CEMIP: variants seen among roughly 807,000 people sequenced by gnomAD.
CEMIP encodes the protein cell migration-inducing and hyaluronan-binding protein.
CEMIP carries 105 observed loss-of-function variants against 156.9 expected under a neutral mutation model. That is an observed-to-expected ratio of 0.67 (90% confidence interval 0.57 to 0.79). The LOEUF (loss-of-function observed/expected upper bound fraction) is 0.79, where lower values mean the gene tolerates loss of function less well. CEMIP is among the 30% of genes least tolerant of loss of function. The probability of loss-of-function intolerance (pLI) is 0.00; values close to 1 mark genes in which losing one functional copy is unlikely to be tolerated. For missense variants in CEMIP, 1,457 were observed against 1,769.4 expected, an observed-to-expected ratio of 0.82 and a Z score of 3.17; for synonymous variants, 676 against 668.4, an observed-to-expected ratio of 1.01 and a Z score of -0.17.
chr15:80,783,569 GTTCCT>G (rs2141557072), intron 1 of CEMIP, among the ~76,000 whole-genome samples: 1 of 152,272 alleles, frequency 6.6e-6, no homozygotes, highest in African/African-American at 2.4e-5. Flanking sequence ...TCAGTGCTGG[GTTCCT>G]TTCTACTGTT....
chr15:80,911,530 CA>C (rs1900052081), intron 14 of CEMIP, among the ~76,000 whole-genome samples: 1 of 268 alleles, frequency 3.7e-3, no homozygotes, highest in Non-Finnish European at 9.6e-3. Flanking sequence ...AAATACACCA[CA>C]CACACACACA....
chr15:80,814,293 C>G (rs1031705084), intron 1 of CEMIP, among the ~76,000 whole-genome samples: 6 of 152,028 alleles, frequency 3.9e-5, no homozygotes, highest in African/African-American at 1.2e-4. Context: ...TCGTGATCCA[C>G]CCGCCTTGGC....
chr15:80,789,224 C>T (rs529516114), intron 1 of CEMIP, among the ~76,000 whole-genome samples: 72 of 152,240 alleles, frequency 4.7e-4, no homozygotes, highest in Middle Eastern at 6.8e-3. Flanking sequence ...TTTGGTGATG[C>T]TAAAGGCTCC....
chr15:80,949,266 T>TG lies in CEMIP; in HGVS notation c.*344dup, dbSNP rs1186147500. On this transcript the variant is annotated 3_prime_UTR_variant, in exon 30 of 30. Transcript: ENST00000394685. ...TTGTGCTGACAGCAAAGATCCACTTTGGCAGGAGCCCTGACCCAGCTAGGA... is the reference window on the plus strand; with the variant it reads ...TTGTGCTGACAGCAAAGATCCACTTTGGGCAGGAGCCCTGACCCAGCTAGGA... 7 of 386,092 alleles carry TG rather than the reference T, an allele frequency of 1.8e-5. No homozygotes were observed. The highest frequency in any genetic ancestry group is 1.5e-4 in the African/African-American group (7 of 48,090). 23.9% of individuals were successfully genotyped at this position (386,092 alleles called of 1,614,324 possible).
chr15:80,861,650 G>T (rs1897991051), intron 1 of CEMIP, among the ~76,000 whole-genome samples: 1 of 152,204 alleles, frequency 6.6e-6, no homozygotes, highest in African/African-American at 2.4e-5. Flanking sequence ...AGGGCAGGGG[G>T]CATCTGGTAG....
chr15:80,937,202 G>A (rs991551651), intron 24 of CEMIP, among the ~76,000 whole-genome samples: 3 of 152,202 alleles, frequency 2.0e-5, no homozygotes, highest in Admixed American at 2.0e-4. Flanking sequence ...CCCAGGACCT[G>A]GCATTAGCCA....
At chr15:80,940,259 G>GT (rs1463764584) in intron 25 of CEMIP, among the ~76,000 whole-genome samples, 1 of 152,216 alleles carries the variant, frequency 6.6e-6, no homozygotes, top group East Asian at 1.9e-4. Flanking sequence ...CAAGTTGTAG[G>GT]TCAGGATTAG....
chr15:80,793,123 G>A (rs1281170916), intron 1 of CEMIP, among the ~76,000 whole-genome samples: 3 of 152,190 alleles, frequency 2.0e-5, no homozygotes, highest in Non-Finnish European at 4.4e-5. Flanking sequence ...GGTAAGCGTT[G>A]GAGCTGCAGG....
In CEMIP at chr15:80,893,393, AG is replaced by A. The variant is rs536967543; in HGVS notation, c.1087-1595del. ...GAGGTCATTTTTCAGGTTAGAAAAAAGGAAAAAAAGAAAAAACAGCAGAATT... is the reference window on the plus strand; with the variant it reads ...GAGGTCATTTTTCAGGTTAGAAAAAAGAAAAAAAGAAAAAACAGCAGAATT... On this transcript the variant is annotated intron_variant, in intron 10 of 29. Transcript: ENST00000394685. Among the ~76,000 whole-genome samples, 4 of 152,216 alleles carry A rather than the reference AG, an allele frequency of 2.6e-5. No individual in the cohort carries two copies. The South Asian group carries it at 8.3e-4, about 32-fold the overall frequency.
At chr15:80,946,453 G>C (rs981014348) in intron 28 of CEMIP, 4 of 167,628 alleles carry the variant, frequency 2.4e-5, no homozygotes, top group African/African-American at 9.6e-5. Context: ...TCAGGATCTA[G>C]AACCTTCAGG....
chr15:80,933,097 C>A (rs1434318855), intron 22 of CEMIP, 148 bp from the exon 23 acceptor site: 11 of 699,428 alleles, frequency 1.6e-5, no homozygotes, highest in Non-Finnish European at 2.8e-5. Context: ...GAGGGGTCAG[C>A]CACGTGGTTT....
At chr15:80,845,512 C>CTGTCATGTA (rs1897531977) in intron 1 of CEMIP, among the ~76,000 whole-genome samples, 3 of 152,202 alleles carry the variant, frequency 2.0e-5, no homozygotes, top group Non-Finnish European at 4.4e-5. Context: ...GAACATGGCA[C>CTGTCATGTA]TAAAAAACCT....
At chr15:80,834,251 C>T (rs2141686319) in intron 1 of CEMIP, among the ~76,000 whole-genome samples, 1 of 152,372 alleles carries the variant, frequency 6.6e-6, no homozygotes, top group African/African-American at 2.4e-5. Flanking sequence ...TCTCCTCCCA[C>T]TCTGCAGCAT....
At position 80,874,089 on chromosome 15, in the gene CEMIP, T is replaced by C. The variant is rs1161769593; in HGVS notation, c.94+116T>C. ...AAGGAGCCGTGGGAGTGGGTCAGGG[T>C]GCCTGGGCCTTGGCCCGACCTTACT... On this transcript the variant is annotated intron_variant, in intron 3 of 29. Coordinates refer to ENST00000394685, the MANE Select transcript of CEMIP (RefSeq NM_001293298.2). 1.2e-5 allele frequency: 12 copies of C among 963,008 alleles called. No individual in the cohort carries two copies. The East Asian group carries it at 3.1e-4, about 25-fold the overall frequency. 59.7% of individuals were successfully genotyped at this position (963,008 alleles called of 1,614,324 possible).
chr15:80,873,834 C>T (rs1898374619), intron 2 of CEMIP, 30 bp from the exon 3 acceptor site: 3 of 1,498,882 alleles, frequency 2.0e-6, no homozygotes, highest in African/African-American at 1.4e-5. Context: ...GCCAAGGCTG[C>T]ATGTCTGACT....
rs1236622981 is a variant in CEMIP at position 80,950,792 on chromosome 15, T to G, written c.*1868T>G. The G allele has an allele frequency of 2.0e-5, 3 of 152,678 alleles. No homozygotes were observed. The highest frequency in any genetic ancestry group is 7.2e-5 in the African/African-American group (3 of 41,432). The allele number at this position is 152,678 out of a possible 1,614,324, so 9.5% of individuals were successfully genotyped here. ...AAGAGGGAGAACTCTATCTGTGGTT[T>G]ATAATCTTGCACGAGGCACCAGAGT... On this transcript the variant is annotated 3_prime_UTR_variant, in exon 30 of 30. Coordinates refer to ENST00000394685, the MANE Select transcript of CEMIP (RefSeq NM_001293298.2).
intron 18 of CEMIP, 128 bp downstream of exon 18, chr15:80,924,834 T>C: frequency 1.2e-6 from 1 of 854,474 alleles, no homozygotes; most frequent in South Asian, 1.4e-5. Context: ...GGCTTTGAGC[T>C]AGTTGCTGGG....
At chr15:80,936,008 G>A (rs986497578) in intron 23 of CEMIP, among the ~76,000 whole-genome samples, 1 of 152,234 alleles carries the variant, frequency 6.6e-6, no homozygotes, top group African/African-American at 2.4e-5. Context: ...AAAGTGCTGG[G>A]ATTACAGGCA....
At chr15:80,829,965 G>GGTGTGTGT (rs370594946) in intron 1 of CEMIP, among the ~76,000 whole-genome samples, 2,062 of 133,730 alleles carry the variant, frequency 0.015, 30 homozygotes, top group Middle Eastern at 0.026. Flanking sequence ...GGAGGTAGCG[G>GGTGTGTGT]GTGTGTGTGT....
Sources: allele counts gnomAD v4.1 joint callset (sites outside exome capture counted in the v4.1 genomes callset), GRCh38; gene constraint gnomAD v4.1.1; transcripts MANE v1.5; gene names NCBI Gene and HGNC (gene_info 2026-07-23, HGNC 2026-07-21).